Variants in SLC9A2 observed in about 807,000 individuals in gnomAD.
The protein encoded by SLC9A2 is sodium/hydrogen exchanger 2.
SLC9A2 carries 42 observed loss-of-function variants against 71.7 expected under a neutral mutation model. The observed-to-expected ratio is 0.59, with a 90% CI of 0.46 to 0.76. The LOEUF is 0.76. Among genes scored for constraint, SLC9A2 ranks in the 30% least tolerant of loss-of-function variants. The pLI, the probability that SLC9A2 is intolerant of heterozygous loss-of-function variation, is 0.00. For missense variants in SLC9A2, 829 were observed against 1,017.4 expected (o/e 0.81, Z 2.52); for synonymous variants, 396 against 392.5 (o/e 1.01, Z -0.10).
At position 102,683,307 on chromosome 2, in the gene SLC9A2, G is replaced by GT; in HGVS notation, c.1052dup (p.Ser352IlefsTer66). ...TATGAATAAGTACGTAGAAGAAAAT[G>GT]TATCTCAGAAATCCTACACGACCAT... On this transcript the variant is annotated frameshift_variant, in exon 4 of 12. Transcript: ENST00000233969. LOFTEE classifies it high-confidence loss of function. 1 of 1,614,032 alleles carries GT rather than the reference G, an allele frequency of 6.2e-7. No individual in the cohort carries two copies. The highest frequency in any genetic ancestry group is 1.6e-4 in the Middle Eastern group (1 of 6,062).
chr2:102,623,467 C>T (rs943222367), intron 1 of SLC9A2, among the ~76,000 whole-genome samples: 5 of 152,188 alleles, frequency 3.3e-5, no homozygotes. Context: ...CCCACCCCTC[C>T]TCTTGCTCCC....
At chr2:102,665,608 A>G (rs1311452689) in intron 3 of SLC9A2, among the ~76,000 whole-genome samples, 3 of 151,802 alleles carry the variant, frequency 2.0e-5, no homozygotes. Context: ...CCCCGTCTCT[A>G]CTAAAAATAC....
At chr2:102,639,822 G>T (rs1365786497) in intron 1 of SLC9A2, among the ~76,000 whole-genome samples, 1 of 152,048 alleles carries the variant, frequency 6.6e-6, no homozygotes, top group Non-Finnish European at 1.5e-5. Context: ...TCTATGTCTG[G>T]CAAAAGTGAA....
intron 7 of SLC9A2, among the ~76,000 whole-genome samples, chr2:102,700,332 C>T (rs1023972041): frequency 3.3e-5 from 5 of 152,176 alleles, no homozygotes; most frequent in African/African-American, 1.2e-4. Context: ...GGAGACTGGG[C>T]AAGATGGTGA....
intron 1 of SLC9A2, among the ~76,000 whole-genome samples, chr2:102,632,876 A>G (rs1676402172): frequency 6.6e-6 from 1 of 152,214 alleles, no homozygotes; most frequent in African/African-American, 2.4e-5. Context: ...AAAGTTGTTT[A>G]GAAAATCACA....
chr2:102,690,167 C>T (rs1677630881), intron 5 of SLC9A2, among the ~76,000 whole-genome samples: 2 of 151,992 alleles, frequency 1.3e-5, no homozygotes, highest in Admixed American at 1.3e-4. Context: ...GCCCAGGAGG[C>T]CGGAAAGGGT....
At chr2:102,620,168 G>A in intron 1 of SLC9A2, 31 bp downstream of exon 1, 1 of 1,570,912 alleles carries the variant, frequency 6.4e-7, no homozygotes, top group Non-Finnish European at 8.7e-7. Context: ...GGGAATGGGA[G>A]GGGGCGATCT....
At chr2:102,649,630 A>T (rs1417928139) in intron 1 of SLC9A2, among the ~76,000 whole-genome samples, 1 of 141,956 alleles carries the variant, frequency 7.0e-6, no homozygotes, top group Non-Finnish European at 1.5e-5. Context: ...TACAAGAAAA[A>T]AACAAACAAC....
At chr2:102,635,224 A>G (rs1011119214) in intron 1 of SLC9A2, among the ~76,000 whole-genome samples, 6 of 152,218 alleles carry the variant, frequency 3.9e-5, no homozygotes, top group Non-Finnish European at 8.8e-5. Context: ...TGGAATGGTG[A>G]GGAGAAATGA....
rs1491260422 is a variant in SLC9A2 at position 102,666,195 on chromosome 2, T to TTTC, written c.1004+847_1004+848insCTT. Reference sequence around the variant, plus strand: ...TGTGACCATGCAATTCCAGTTTAGCTTTTTTTTTTTTTTTTTTTGAGGCGG... The same window carrying TTTC: ...TGTGACCATGCAATTCCAGTTTAGCTTTCTTTTTTTTTTTTTTTTTTGAGGCGG... On this transcript the variant is annotated intron_variant, in intron 3 of 11. Coordinates refer to ENST00000233969, the MANE Select transcript of SLC9A2 (RefSeq NM_003048.6). Among the ~76,000 whole-genome samples the TTTC allele has an allele frequency of 1.8e-3, 84 of 47,000 alleles. 1 individual carries two copies. In the East Asian group the frequency reaches 0.041, roughly 23 times the overall value. 30.8% of individuals were successfully genotyped at this position (47,000 alleles called of 152,430 possible).
intron 3 of SLC9A2, among the ~76,000 whole-genome samples, chr2:102,671,641 T>G (rs17027680): frequency 0.058 from 8,840 of 152,296 alleles, 521 homozygotes; most frequent in African/African-American, 0.15. Flanking sequence ...TTAAACCGTT[T>G]AATTTAGTAG....
intron 1 of SLC9A2, among the ~76,000 whole-genome samples, chr2:102,621,051 G>A (rs550123326): frequency 1.3e-4 from 19 of 151,706 alleles, no homozygotes; most frequent in Admixed American, 1.2e-3. Flanking sequence ...CAGCTACTCG[G>A]GAGGCTGAGG....
intron 5 of SLC9A2, among the ~76,000 whole-genome samples, chr2:102,685,648 A>G (rs1473755164): frequency 1.3e-5 from 2 of 148,730 alleles, no homozygotes; most frequent in African/African-American, 2.5e-5. Context: ...GGCATCACTC[A>G]TGACTCCAGG....
rs72997648 is a variant in SLC9A2 at position 102,642,462 on chromosome 2, G to A, written c.290-15102G>A. The stretch of plus-strand genomic sequence containing the variant: ...TTTTTTTTCTTTAGCCTATCGATAC[G>A]ATGGATTACACTGGTGAATTTTTGA... On this transcript the variant is annotated intron_variant, in intron 1 of 11. Coordinates refer to ENST00000233969, the MANE Select transcript of SLC9A2 (RefSeq NM_003048.6). 9.5e-3 allele frequency among the ~76,000 whole-genome samples: 1,448 copies of A among 151,860 alleles called. 42 individuals carry two copies. Among genetic ancestry groups the A allele is most frequent in the East Asian group, 0.087 (450 of 5,158 alleles).
intron 1 of SLC9A2, among the ~76,000 whole-genome samples, chr2:102,630,251 G>A (rs1289162724): frequency 6.6e-6 from 1 of 151,696 alleles, no homozygotes; most frequent in East Asian, 1.9e-4. Context: ...TGTTTTTACT[G>A]ATGTATATTC....
intron 5 of SLC9A2, among the ~76,000 whole-genome samples, chr2:102,684,807 C>A (rs1677518283): frequency 4.6e-5 from 7 of 152,176 alleles, no homozygotes; most frequent in African/African-American, 1.7e-4. Flanking sequence ...GCAAGTTAAT[C>A]AATATCTTTA....
In SLC9A2 at chr2:102,706,305, A is replaced by G. The variant is rs762521916; in HGVS notation, c.2068+369A>G. 7.7e-4 allele frequency among the ~76,000 whole-genome samples: 94 copies of G among 122,322 alleles called. 31 individuals are homozygous for G. The highest frequency in any genetic ancestry group is 1.9e-3 in the African/African-American group (59 of 31,876). The allele number at this position is 122,322 out of a possible 152,430, so 80.2% of individuals were successfully genotyped here. A position where few individuals can be genotyped will look rare whatever the true frequency, so the allele number is the denominator to read the frequency against. ...TTGCAGTCCGCAGTCCGGCCTGGGCAACAGAGCGAGACTCCGTCTCAAAAA... is the reference window on the plus strand; with the variant it reads ...TTGCAGTCCGCAGTCCGGCCTGGGCGACAGAGCGAGACTCCGTCTCAAAAA... On this transcript the variant is annotated intron_variant, in intron 11 of 11. Transcript: ENST00000233969.
intron 3 of SLC9A2, among the ~76,000 whole-genome samples, chr2:102,670,140 C>T (rs1022163392): frequency 2.4e-4 from 36 of 151,434 alleles, no homozygotes; most frequent in Non-Finnish European, 5.9e-5. Context: ...ACGCCATTCT[C>T]CTGCCTTAGC....
intron 7 of SLC9A2, among the ~76,000 whole-genome samples, chr2:102,698,847 G>A (rs1023873981): frequency 3.3e-5 from 5 of 152,176 alleles, no homozygotes; most frequent in Admixed American, 3.3e-4. Context: ...AAGGAACAGG[G>A]CAAAGCAAGT....
Sources: allele counts gnomAD v4.1 joint callset (sites outside exome capture counted in the v4.1 genomes callset), GRCh38; gene constraint gnomAD v4.1.1; transcripts MANE v1.5; gene names NCBI Gene and HGNC (gene_info 2026-07-23, HGNC 2026-07-21).